Variants in RAB3C observed in about 807,000 individuals in gnomAD.
RAB3C encodes the protein ras-related protein Rab-3C.
A neutral mutation model predicts 26.4 loss-of-function variants in RAB3C; 17 were observed. The observed-to-expected ratio is 0.64, with a 90% confidence interval of 0.44 to 0.97. RAB3C has a LOEUF of 0.97. RAB3C is among the 50% of genes least tolerant of loss of function. The pLI, the probability that RAB3C is intolerant of heterozygous loss-of-function variation, is 0.00. For synonymous variants in RAB3C, 91 were observed against 95.9 expected, an observed-to-expected ratio of 0.95 and a Z score of 0.30; for missense variants, 242 against 281.9, an observed-to-expected ratio of 0.86 and a Z score of 1.01.
At chr5:58,788,365 C>A (rs1359416376) in intron 3 of RAB3C, 1 of 152,278 alleles carries the variant, frequency 6.6e-6, no homozygotes, top group African/African-American at 2.4e-5. Flanking sequence ...GCCCCCTACT[C>A]CTGCCAGGTA....
chr5:58,769,301 G>A lies in RAB3C; in HGVS notation c.371+43181G>A, dbSNP rs758694009. Among the ~76,000 whole-genome samples the A allele has an allele frequency of 2.6e-5, 4 of 152,212 alleles. No individual in the cohort carries two copies. In the South Asian group the frequency reaches 8.3e-4, roughly 32 times the overall value. ...TTTGAGTTGGCAGTTAGATATTTGA[G>A]TATGTAGTTCAGGAAAGAGAGAGAG... On this transcript the variant is annotated intron_variant, in intron 3 of 4. Coordinates refer to ENST00000282878, the MANE Select transcript of RAB3C (RefSeq NM_138453.4).
chr5:58,763,951 T>C, intron 3 of RAB3C, among the ~76,000 whole-genome samples: 1 of 152,186 alleles, frequency 6.6e-6, no homozygotes, highest in East Asian at 1.9e-4. Context: ...TGCACCCACT[T>C]CTGGGAAGCC....
At chr5:58,613,154 T>C (rs1269372061) in intron 1 of RAB3C, among the ~76,000 whole-genome samples, 1 of 152,092 alleles carries the variant, frequency 6.6e-6, no homozygotes, top group Non-Finnish European at 1.5e-5. Flanking sequence ...TCCTGGTCAA[T>C]AGAACTTCTG....
At chr5:58,709,475 T>A (rs1412844206) in intron 2 of RAB3C, among the ~76,000 whole-genome samples, 2 of 152,186 alleles carry the variant, frequency 1.3e-5, no homozygotes, top group Non-Finnish European at 2.9e-5. Flanking sequence ...CAGCTAATGA[T>A]CAGGCCGCAG....
chr5:58,662,825 T>C (rs1032062130), intron 2 of RAB3C, among the ~76,000 whole-genome samples: 3 of 150,310 alleles, frequency 2.0e-5, no homozygotes, highest in East Asian at 3.8e-4. Context: ...ATGAGGGAAC[T>C]CTTTTTGGAT....
chr5:58,743,772 G>T (rs1341594788), intron 3 of RAB3C, among the ~76,000 whole-genome samples: 1 of 152,144 alleles, frequency 6.6e-6, no homozygotes, highest in Non-Finnish European at 1.5e-5. Flanking sequence ...TCTCCAAGTG[G>T]ATTGCAATGT....
chr5:58,664,045 A>G lies in RAB3C; in HGVS notation c.252+46175A>G, dbSNP rs146061869. Among the ~76,000 whole-genome samples the G allele has an allele frequency of 9.9e-5, 15 of 152,204 alleles. No homozygotes were observed. The East Asian group carries it at 2.9e-3, about 29-fold the overall frequency. On this transcript the variant is annotated intron_variant, in intron 2 of 4. Coordinates refer to ENST00000282878, the MANE Select transcript of RAB3C (RefSeq NM_138453.4). ...TGGAATAGGGACCTTTGATAAGTTTATTTTTCCTAAAACCCCATGAAGTCA... is the reference window on the plus strand; with the variant it reads ...TGGAATAGGGACCTTTGATAAGTTTGTTTTTCCTAAAACCCCATGAAGTCA...
chr5:58,741,823 G>A (rs1741280401), intron 3 of RAB3C: 1 of 151,952 alleles, frequency 6.6e-6, no homozygotes, highest in Non-Finnish European at 1.5e-5. Flanking sequence ...AGGCCAACAT[G>A]GAGAAACCCC....
chr5:58,584,545 T>C (rs1205083488), intron 1 of RAB3C, among the ~76,000 whole-genome samples: 3 of 152,154 alleles, frequency 2.0e-5, no homozygotes, highest in Admixed American at 1.3e-4. Flanking sequence ...CAAGATATAT[T>C]GGTTTATGAT....
chr5:58,742,305 C>A (rs900808293), intron 3 of RAB3C, among the ~76,000 whole-genome samples: 1 of 152,090 alleles, frequency 6.6e-6, no homozygotes, highest in Non-Finnish European at 1.5e-5. Context: ...ATGACAGGGT[C>A]GTTTTTATAT....
At chr5:58,743,445 T>C (rs1167650577) in intron 3 of RAB3C, among the ~76,000 whole-genome samples, 2 of 152,054 alleles carry the variant, frequency 1.3e-5, no homozygotes, top group Non-Finnish European at 2.9e-5. Flanking sequence ...GTGCAGAATG[T>C]GCAGGTTTGT....
upstream of RAB3C, chr5:58,583,052 C>G (rs879640896): frequency 6.8e-7 from 1 of 1,460,958 alleles, no homozygotes. Flanking sequence ...TACGCGTGTG[C>G]GGCGCCAGGA....
intron 3 of RAB3C, among the ~76,000 whole-genome samples, chr5:58,771,236 G>A (rs1159678003): frequency 2.0e-5 from 3 of 151,606 alleles, no homozygotes; most frequent in Non-Finnish European, 4.4e-5. Flanking sequence ...GATACCAGAT[G>A]AATAATTATG....
chr5:58,636,505 TTTA>T (rs965937690), intron 2 of RAB3C, among the ~76,000 whole-genome samples: 1 of 152,218 alleles, frequency 6.6e-6, no homozygotes, highest in Admixed American at 6.5e-5. Context: ...TTTTGCCTTA[TTTA>T]TCTGCCTGCA....
chr5:58,775,341 G>C (rs1381128763), intron 3 of RAB3C, among the ~76,000 whole-genome samples: 1 of 151,952 alleles, frequency 6.6e-6, no homozygotes, highest in Non-Finnish European at 1.5e-5. Context: ...AAAACCTCAG[G>C]GCCAAAGCAA....
rs188065134 is a variant in RAB3C at position 58,677,288 on chromosome 5, G to A, written c.253-48714G>A. On this transcript the variant is annotated intron_variant, in intron 2 of 4. Transcript: ENST00000282878. ...CTTCAAAATAGGGTTATATTCTGAG[G>A]CACTGGCAACTAGGATTTGAGCATA... Among the ~76,000 whole-genome samples, 289 of 152,166 alleles carry A rather than the reference G, an allele frequency of 1.9e-3. 3 individuals carry two copies. Among genetic ancestry groups the A allele is most frequent in the African/African-American group, 6.7e-3 (277 of 41,510 alleles).
chr5:58,690,075 T>G (rs1374280684), intron 2 of RAB3C, among the ~76,000 whole-genome samples: 1 of 152,094 alleles, frequency 6.6e-6, no homozygotes, highest in African/African-American at 2.4e-5. Flanking sequence ...GAATTACTTT[T>G]TAAAATGTAT....
chr5:58,775,736 G>A (rs1344491440), intron 3 of RAB3C, among the ~76,000 whole-genome samples: 12 of 152,048 alleles, frequency 7.9e-5, no homozygotes, highest in Admixed American at 7.9e-4. Flanking sequence ...GAACCTGTCT[G>A]TGAGTCATAT....
intron 2 of RAB3C, among the ~76,000 whole-genome samples, chr5:58,665,297 T>G (rs1315657555): frequency 1.3e-5 from 2 of 152,184 alleles, no homozygotes; most frequent in Admixed American, 6.5e-5. Flanking sequence ...TACTGCATTA[T>G]GAGTAAGATA....
Sources: gnomAD v4.1 joint callset for allele counts (sites outside exome capture counted in the v4.1 genomes callset) on GRCh38, gnomAD v4.1.1 for gene constraint, MANE v1.5 for transcripts, NCBI Gene and HGNC (gene_info 2026-07-23, HGNC 2026-07-21) for gene names.